PTPRG: variants seen among roughly 807,000 people sequenced by gnomAD.
PTPRG encodes the protein protein tyrosine phosphatase receptor type G, also known as receptor-type tyrosine-protein phosphatase gamma.
In PTPRG, 102 loss-of-function variants were observed where a neutral mutation model predicts 165.3. The observed-to-expected ratio is 0.62, with a 90% CI of 0.53 to 0.73. The LOEUF is 0.73. PTPRG is among the 30% of genes least tolerant of loss of function. The probability of loss-of-function intolerance (pLI) is 0.00; values close to 1 mark genes in which losing one functional copy is unlikely to be tolerated. For synonymous variants in PTPRG, 675 were observed against 669.5 expected (o/e 1.01, Z -0.13); for missense variants, 1,866 against 1,861.4 (o/e 1.00, Z -0.05).
At chr3:62,128,394 G>T (rs1042504510) in intron 5 of PTPRG, among the ~76,000 whole-genome samples, 2 of 152,112 alleles carry the variant, frequency 1.3e-5, no homozygotes, top group African/African-American at 4.8e-5. Context: ...ACAAAATTGA[G>T]TGGATGTCAA....
intron 2 of PTPRG, among the ~76,000 whole-genome samples, chr3:61,973,955 T>C (rs2040441491): frequency 6.6e-6 from 1 of 152,136 alleles, no homozygotes; most frequent in Non-Finnish European, 1.5e-5. Flanking sequence ...TTCTTGATAA[T>C]GTACATAGAC....
At chr3:61,602,184 A>G (rs979000161) in intron 1 of PTPRG, among the ~76,000 whole-genome samples, 2 of 151,296 alleles carry the variant, frequency 1.3e-5, no homozygotes, top group Admixed American at 6.6e-5. Flanking sequence ...TTCTGTGGGT[A>G]CTTCTAGCCT....
At chr3:62,239,349 CTTTTTTCTTTCTTTTTT>C (rs1391169114) in intron 14 of PTPRG, among the ~76,000 whole-genome samples, 14 of 144,076 alleles carry the variant, frequency 9.7e-5, no homozygotes, top group African/African-American at 3.6e-4. Flanking sequence ...TTCTTTCTTT[CTTTTTTCTTTCTTTTTT>C]TTTTTTTTTT....
At chr3:62,083,132 A>AT (rs1414034863) in intron 5 of PTPRG, among the ~76,000 whole-genome samples, 5 of 152,238 alleles carry the variant, frequency 3.3e-5, no homozygotes, top group Admixed American at 2.0e-4. Context: ...TAAAATAATT[A>AT]TTTTTTATTT....
chr3:61,968,192 A>G (rs1037074420), intron 2 of PTPRG, among the ~76,000 whole-genome samples: 2 of 152,192 alleles, frequency 1.3e-5, no homozygotes, highest in African/African-American at 2.4e-5. Flanking sequence ...TTAAATGTAA[A>G]GATTTTTATT....
rs1374373044 is a variant in PTPRG, at chr3:61,694,076, AT to A, written c.86-54801del. 5.9e-5 allele frequency among the ~76,000 whole-genome samples: 9 copies of A among 151,682 alleles called. No homozygotes were observed. In the South Asian group the frequency reaches 1.9e-3, roughly 32 times the overall value. Reference sequence around the variant, plus strand: ...AGGCTTTAAAAAGTAGGTGATGTTAATGAGTTGAGTAGGGGATGAACCAGCT... The same window carrying A: ...AGGCTTTAAAAAGTAGGTGATGTTAAGAGTTGAGTAGGGGATGAACCAGCT... On this transcript the variant is annotated intron_variant, in intron 1 of 29. Transcript: ENST00000474889.
chr3:61,927,199 CT>C (rs566717626), intron 2 of PTPRG, among the ~76,000 whole-genome samples: 76 of 152,184 alleles, frequency 5.0e-4, no homozygotes, highest in Admixed American at 1.4e-3. Context: ...GCATAAAGAA[CT>C]TTTTTTTCCT....
intron 14 of PTPRG, among the ~76,000 whole-genome samples, chr3:62,232,945 T>C (rs528877830): frequency 6.6e-6 from 1 of 152,362 alleles, no homozygotes; most frequent in African/African-American, 2.4e-5. Context: ...TTCCTGGCCC[T>C]GCGACTAGGA....
At chr3:62,196,068 G>A (rs559057227) in intron 10 of PTPRG, among the ~76,000 whole-genome samples, 8 of 151,928 alleles carry the variant, frequency 5.3e-5, no homozygotes, top group Middle Eastern at 3.4e-3. Flanking sequence ...GATTACAGGC[G>A]TGAGCCACCA....
intron 4 of PTPRG, among the ~76,000 whole-genome samples, chr3:62,047,225 G>A (rs1398420935): frequency 1.4e-5 from 2 of 140,690 alleles, no homozygotes; most frequent in African/African-American, 5.1e-5. Flanking sequence ...TGGATTCTTT[G>A]TTTCACTTGC....
intron 15 of PTPRG, among the ~76,000 whole-genome samples, chr3:62,249,311 G>A (rs979488893): frequency 6.6e-6 from 1 of 152,182 alleles, no homozygotes; most frequent in Non-Finnish European, 1.5e-5. Flanking sequence ...GCAGACAGGA[G>A]GGGCAGGGGG....
At chr3:62,081,589 C>T (rs2106765454) in intron 5 of PTPRG, among the ~76,000 whole-genome samples, 1 of 152,288 alleles carries the variant, frequency 6.6e-6, no homozygotes, top group Non-Finnish European at 1.5e-5. Flanking sequence ...AAGTGATGCT[C>T]CTGCCTCAGC....
chr3:61,694,569 T>C (rs1365525623), intron 1 of PTPRG, among the ~76,000 whole-genome samples: 2 of 152,146 alleles, frequency 1.3e-5, no homozygotes, highest in Non-Finnish European at 2.9e-5. Context: ...AATTATCCCA[T>C]GGAAAAACTG....
At chr3:61,593,545 G>C (rs192658198) in intron 1 of PTPRG, among the ~76,000 whole-genome samples, 23 of 152,060 alleles carry the variant, frequency 1.5e-4, no homozygotes, top group Middle Eastern at 3.4e-3. Context: ...CCTTTTCTTA[G>C]CTAAACAAAA....
At chr3:62,206,912 C>CAAAAAAAAAAAAAAAAAAAAAA (rs556974355) in intron 12 of PTPRG, among the ~76,000 whole-genome samples, 1 of 37,338 alleles carries the variant, frequency 2.7e-5, no homozygotes, top group African/African-American at 7.1e-5. Context: ...GACTCTGTCT[C>CAAAAAAAAAAAAAAAAAAAAAA]AAAAAAAAAA....
At chr3:62,290,992 A>C (rs1702869216) in intron 28 of PTPRG, among the ~76,000 whole-genome samples, 1 of 152,108 alleles carries the variant, frequency 6.6e-6, no homozygotes, top group Non-Finnish European at 1.5e-5. Flanking sequence ...GGGCAAAAAA[A>C]CTCACAAGTA....
At chr3:62,047,321 A>G (rs1020951197) in intron 4 of PTPRG, among the ~76,000 whole-genome samples, 6 of 151,848 alleles carry the variant, frequency 4.0e-5, no homozygotes, top group Admixed American at 3.3e-4. Flanking sequence ...GTGCAGTGGC[A>G]TGATCTCAGC....
At chr3:61,718,454 G>A (rs867178592) in intron 1 of PTPRG, among the ~76,000 whole-genome samples, 19 of 152,132 alleles carry the variant, frequency 1.2e-4, no homozygotes, top group Middle Eastern at 6.3e-3. Flanking sequence ...GGCTTCAGCG[G>A]GTTAAAAGAC....
intron 2 of PTPRG, among the ~76,000 whole-genome samples, chr3:61,970,184 C>T (rs557133926): frequency 6.6e-6 from 1 of 152,180 alleles, no homozygotes; most frequent in South Asian, 2.1e-4. Context: ...GTGATTTACC[C>T]AGAGTAGGGT....
Sources: allele counts gnomAD v4.1 joint callset (sites outside exome capture counted in the v4.1 genomes callset), GRCh38; gene constraint gnomAD v4.1.1; transcripts MANE v1.5; gene names NCBI Gene and HGNC (gene_info 2026-07-23, HGNC 2026-07-21).